ADGRG7: variants seen among roughly 807,000 people sequenced by gnomAD.
ADGRG7 encodes adhesion G protein-coupled receptor G7.
Under a neutral mutation model 88.6 loss-of-function variants are expected in ADGRG7, and 82 were observed. That is an observed-to-expected ratio of 0.93 (90% CI 0.77 to 1.11). ADGRG7 has a LOEUF of 1.11. Ranked by LOEUF, ADGRG7 falls within the 50% of genes most tolerant of loss-of-function variation. The pLI, the probability that ADGRG7 is intolerant of heterozygous loss-of-function variation, is 0.00. For missense variants in ADGRG7, 945 were observed against 953.4 expected, an observed-to-expected ratio of 0.99 and a Z score of 0.12; for synonymous variants, 381 against 345.2, an observed-to-expected ratio of 1.10 and a Z score of -1.15.
rs551681608 is a variant in ADGRG7, at chr3:100,644,857, T to A, written c.947-1088T>A. Among the ~76,000 whole-genome samples, 7 of 152,260 alleles carry A rather than the reference T, an allele frequency of 4.6e-5. 1 individual carries two copies. Among genetic ancestry groups the A allele is most frequent in the Non-Finnish European group, 8.8e-5 (6 of 68,010 alleles). On this transcript the variant is annotated intron_variant, in intron 8 of 15. Transcript: ENST00000273352. ...CATTCTTTTATTTTTAAAGAAAGAATAAAAAGAAACCTTGCTCCATTATTA... is the reference window on the plus strand; with the variant it reads ...CATTCTTTTATTTTTAAAGAAAGAAAAAAAAGAAACCTTGCTCCATTATTA...
intron 15 of ADGRG7, among the ~76,000 whole-genome samples, chr3:100,679,968 G>C (rs1229381683): frequency 6.6e-6 from 1 of 152,112 alleles, no homozygotes. Context: ...TGTGTATTCT[G>C]TAGTTGTTAA....
chr3:100,616,700 A>G (rs916594016), intron 1 of ADGRG7, among the ~76,000 whole-genome samples: 2 of 152,192 alleles, frequency 1.3e-5, no homozygotes, highest in Non-Finnish European at 2.9e-5. Flanking sequence ...GCCTGCCTGT[A>G]GTCTCAGCTA....
intron 15 of ADGRG7, among the ~76,000 whole-genome samples, chr3:100,673,255 G>A (rs1173985010): frequency 6.6e-5 from 10 of 151,986 alleles, no homozygotes; most frequent in African/African-American, 2.4e-4. Context: ...CTTGTTATTG[G>A]TCTATTCAGG....
At chr3:100,642,487 A>G (rs144451581) in intron 6 of ADGRG7, among the ~76,000 whole-genome samples, 9 of 152,348 alleles carry the variant, frequency 5.9e-5, no homozygotes, top group African/African-American at 2.2e-4. Context: ...GATTTGACAT[A>G]TAGAACAACT....
At chr3:100,638,542 C>T (rs114579813) in intron 6 of ADGRG7, among the ~76,000 whole-genome samples, 3,547 of 152,114 alleles carry the variant, frequency 0.023, 107 homozygotes, top group African/African-American at 0.069. Flanking sequence ...ACATTTGATT[C>T]GTAAAAAGAC....
At chr3:100,619,965 A>C (rs1188810083) in intron 1 of ADGRG7, among the ~76,000 whole-genome samples, 2 of 152,228 alleles carry the variant, frequency 1.3e-5, no homozygotes, top group Admixed American at 1.3e-4. Context: ...TCACAGCCAA[A>C]TTCTACCAGA....
chr3:100,646,813 T>G, intron 10 of ADGRG7, 89 bp downstream of exon 10: 1 of 1,045,214 alleles, frequency 9.6e-7, no homozygotes, highest in Non-Finnish European at 1.4e-6. Context: ...ACTTTGGGAT[T>G]TAATTTACAT....
intron 15 of ADGRG7, among the ~76,000 whole-genome samples, chr3:100,682,307 C>G (rs1438937745): frequency 1.3e-5 from 2 of 152,336 alleles, no homozygotes; most frequent in East Asian, 3.9e-4. Flanking sequence ...CGGTGCCACA[C>G]TTGCACATGG....
intron 1 of ADGRG7, among the ~76,000 whole-genome samples, chr3:100,618,990 G>A (rs1441040136): frequency 6.6e-6 from 1 of 152,136 alleles, no homozygotes; most frequent in Non-Finnish European, 1.5e-5. Context: ...TTGTGAATGG[G>A]AGTTCACTCA....
intron 13 of ADGRG7, among the ~76,000 whole-genome samples, chr3:100,658,769 T>C (rs1050084547): frequency 2.6e-5 from 4 of 152,210 alleles, no homozygotes; most frequent in African/African-American, 9.6e-5. Flanking sequence ...TTTTTCTCCA[T>C]GGCATTCGTC....
At chr3:100,662,895 T>C (rs1475965784) in intron 14 of ADGRG7, among the ~76,000 whole-genome samples, 2 of 152,006 alleles carry the variant, frequency 1.3e-5, no homozygotes, top group Admixed American at 6.5e-5. Flanking sequence ...ATAGGAAATA[T>C]ACTTGAAAAG....
Position 100,646,542 on chromosome 3 carries a change from A to G in ADGRG7, c.1111-27A>G, listed in dbSNP as rs768238996. On this transcript the variant is annotated intron_variant, in intron 9 of 15. Coordinates refer to ENST00000273352, the MANE Select transcript of ADGRG7 (RefSeq NM_032787.3). ...ACCCAATTAAGTATTTAGAAACAGTAATTGTAATTGTCTTATCAATTCATA... is the reference window on the plus strand; with the variant it reads ...ACCCAATTAAGTATTTAGAAACAGTGATTGTAATTGTCTTATCAATTCATA... 9.5e-6 allele frequency: 15 copies of G among 1,579,376 alleles called. No homozygotes were observed. The Admixed American group carries it at 2.4e-4, about 25-fold the overall frequency.
chr3:100,648,330 G>A (rs535353196), intron 10 of ADGRG7, among the ~76,000 whole-genome samples: 11 of 55,762 alleles, frequency 2.0e-4, no homozygotes, highest in South Asian at 2.9e-3. Flanking sequence ...AGAGCAAATC[G>A]GCTCTGAGTG....
At chr3:100,680,093 G>A (rs2094971093) in intron 15 of ADGRG7, among the ~76,000 whole-genome samples, 1 of 152,160 alleles carries the variant, frequency 6.6e-6, no homozygotes, top group African/African-American at 2.4e-5. Flanking sequence ...CTCCACCTAT[G>A]ATTGAAAATT....
At chr3:100,641,875 A>G (rs1035981643) in intron 6 of ADGRG7, among the ~76,000 whole-genome samples, 2 of 152,126 alleles carry the variant, frequency 1.3e-5, no homozygotes, top group African/African-American at 4.8e-5. Flanking sequence ...GACTTTCCTG[A>G]TATAACTACA....
chr3:100,675,187 A>G (rs958257192), intron 15 of ADGRG7, among the ~76,000 whole-genome samples: 1 of 152,204 alleles, frequency 6.6e-6, no homozygotes, highest in Non-Finnish European at 1.5e-5. Flanking sequence ...CTTAGAGGAA[A>G]GGCTTTCAGT....
chr3:100,688,570 T>C (rs1398282373), intron 15 of ADGRG7, among the ~76,000 whole-genome samples: 1 of 152,246 alleles, frequency 6.6e-6, no homozygotes, highest in Admixed American at 6.5e-5. Context: ...GATTCTGGTG[T>C]GTTGTGTCTT....
At position 100,654,912 on chromosome 3, in the gene ADGRG7, T is replaced by C. The variant is rs747154807; in HGVS notation, c.1457T>C (p.Val486Ala). ...ISMLIFNLLF[V>A]FGIENSNKNL... ...ATGTTGATTTTCAACCTCCTCTTTG[T>C]GTTTGGAATTGAAAACTCCAATAAG... The change falls in exon 12 of 16, where the codon GTG (valine) becomes GCG (alanine). Residue 486 changes from valine to alanine, a missense_variant. Val to Ala is a moderately conservative substitution (Grantham distance 64). Transcript: ENST00000273352. 12 of 1,614,130 alleles carry C rather than the reference T, an allele frequency of 7.4e-6. No homozygotes were observed. The highest frequency in any genetic ancestry group is 8.5e-6 in the Non-Finnish European group (10 of 1,179,952).
chr3:100,626,300 T>C (rs1260385699), intron 1 of ADGRG7, among the ~76,000 whole-genome samples: 1 of 151,976 alleles, frequency 6.6e-6, no homozygotes, highest in Non-Finnish European at 1.5e-5. Context: ...TTGCATAGAG[T>C]TGTTCTTCTT....
Sources: gnomAD v4.1 joint callset for allele counts (sites outside exome capture counted in the v4.1 genomes callset) on GRCh38, gnomAD v4.1.1 for gene constraint, MANE v1.5 for transcripts, NCBI Gene and HGNC (gene_info 2026-07-23, HGNC 2026-07-21) for gene names.